Variants in NOSIP observed in about 807,000 individuals in gnomAD.
NOSIP encodes nitric oxide synthase-interacting protein.
NOSIP carries 25 observed loss-of-function variants against 36.4 expected under a neutral mutation model. The ratio of observed to expected loss-of-function variants is 0.69; its 90% CI spans 0.50 to 0.96. The LOEUF is 0.96. Among genes scored for constraint, NOSIP ranks in the 40% least tolerant of loss-of-function variants. NOSIP has a pLI of 0.00. For missense variants in NOSIP, 370 were observed against 429.0 expected (o/e 0.86, Z 1.21); for synonymous variants, 187 against 179.2 (o/e 1.04, Z -0.35).
intron 1 of NOSIP, among the ~76,000 whole-genome samples, chr19:49,577,095 CAA>C (rs1016299027): frequency 1.3e-5 from 2 of 151,972 alleles, no homozygotes; most frequent in African/African-American, 4.8e-5. Flanking sequence ...TGACTATAAT[CAA>C]AAAGATAAAT....
chr19:49,563,935 G>A (rs969492624), intron 1 of NOSIP, among the ~76,000 whole-genome samples: 1 of 152,172 alleles, frequency 6.6e-6, no homozygotes, highest in East Asian at 1.9e-4. Flanking sequence ...GGTTCTCAAA[G>A]TGTGGGTCCT....
At chr19:49,576,932 T>C (rs2080561763) in intron 1 of NOSIP, among the ~76,000 whole-genome samples, 1 of 149,072 alleles carries the variant, frequency 6.7e-6, no homozygotes, top group Non-Finnish European at 1.5e-5. Context: ...ATAAGGGAAT[T>C]GCAGTGAGAA....
At chr19:49,556,765 G>T in intron 6 of NOSIP, 29 bp from the exon 7 acceptor site, 1 of 1,584,346 alleles carries the variant, frequency 6.3e-7, no homozygotes, top group African/African-American at 1.3e-5. Flanking sequence ...GGCGGGCTCA[G>T]TAGGCAGGGC....
Position 49,555,746 on chromosome 19 carries a change from C to T in NOSIP, c.*5G>A. ...AAGCCGGTTTATTTGGTCTCCCGCACACACTCAGGCCTGCATCACCGGCCG... is the reference window on the plus strand; with the variant it reads ...AAGCCGGTTTATTTGGTCTCCCGCATACACTCAGGCCTGCATCACCGGCCG... On this transcript the variant is annotated 3_prime_UTR_variant, in exon 9 of 9. Coordinates refer to ENST00000596358, the MANE Select transcript of NOSIP (RefSeq NM_001270960.2). 6.2e-7 allele frequency: 1 copy of T among 1,612,926 alleles called. No individual in the cohort carries two copies. The highest frequency in any genetic ancestry group is 8.5e-7 in the Non-Finnish European group (1 of 1,179,256).
chr19:49,559,180 A>C, intron 3 of NOSIP: 1 of 574,350 alleles, frequency 1.7e-6, no homozygotes, highest in Non-Finnish European at 3.1e-6. Flanking sequence ...TCAGCAAAGG[A>C]AAAAGGCACA....
At chr19:49,580,193 C>T (rs1471164976) in intron 1 of NOSIP, among the ~76,000 whole-genome samples, 6 of 151,816 alleles carry the variant, frequency 4.0e-5, no homozygotes, top group African/African-American at 9.7e-5. Flanking sequence ...TCCACTCCTT[C>T]CCTTGGGACC....
intron 3 of NOSIP, 115 bp downstream of exon 3, chr19:49,559,819 C>G (rs1422271769): frequency 1.4e-6 from 1 of 725,226 alleles, no homozygotes; most frequent in Non-Finnish European, 2.5e-6. Flanking sequence ...TGAGGATAAA[C>G]TGCTCATCCA....
intron 1 of NOSIP, among the ~76,000 whole-genome samples, chr19:49,568,391 G>A (rs1023360831): frequency 7.9e-5 from 12 of 152,074 alleles, no homozygotes; most frequent in South Asian, 2.1e-4. Context: ...GGGGAACTGC[G>A]GTGGTGGTAT....
intron 1 of NOSIP, among the ~76,000 whole-genome samples, chr19:49,565,434 T>C (rs560509221): frequency 6.6e-6 from 1 of 152,100 alleles, no homozygotes; most frequent in African/African-American, 2.4e-5. Context: ...TTATGCTTTC[T>C]GTACTTCTCT....
intron 1 of NOSIP, among the ~76,000 whole-genome samples, chr19:49,577,692 G>A (rs917168951): frequency 2.0e-5 from 3 of 150,082 alleles, no homozygotes; most frequent in African/African-American, 7.4e-5. Context: ...TTGAACCCAG[G>A]AGGTTGAGGC....
At chr19:49,565,762 G>A (rs115172993) in intron 1 of NOSIP, among the ~76,000 whole-genome samples, 15,910 of 139,724 alleles carry the variant, frequency 0.11, 2,289 homozygotes, top group African/African-American at 0.35. Flanking sequence ...TGTCTCAAAA[G>A]AAAAAAAAAA....
intron 1 of NOSIP, among the ~76,000 whole-genome samples, chr19:49,575,020 G>A (rs1252066751): frequency 6.6e-6 from 1 of 151,980 alleles, no homozygotes; most frequent in Admixed American, 6.6e-5. Flanking sequence ...CCGCCACCAT[G>A]CCCGGCTAAT....
intron 8 of NOSIP, among the ~76,000 whole-genome samples, chr19:49,556,057 G>C (rs1296956966): frequency 7.4e-6 from 1 of 135,830 alleles, no homozygotes; most frequent in African/African-American, 3.2e-5. Flanking sequence ...CGTGTGGAGG[G>C]GGTGGAGCCG....
In NOSIP at chr19:49,557,101, C is replaced by T; in HGVS notation, c.407G>A (p.Gly136Asp). ...LNPFTAKALS[G>D]TSPDDVQPGP... ...CCAACCTGAGTCACCTGGGCTGGTGCCCGAGAGGGCCTTGGCTGTGAAAGG... is the reference window on the plus strand; with the variant it reads ...CCAACCTGAGTCACCTGGGCTGGTGTCCGAGAGGGCCTTGGCTGTGAAAGG... Residue 136 changes from glycine (G) to aspartate (D), a missense_variant, in exon 5 of 9, where the codon GGC becomes GAC. Around this residue, in one of 3 missense-constraint regions of NOSIP, gnomAD observed 315 missense variants for 331.9 expected, o/e 0.95. Coordinates refer to ENST00000596358, the MANE Select transcript of NOSIP (RefSeq NM_001270960.2). 6.2e-7 allele frequency: 1 copy of T among 1,611,510 alleles called. No individual in the cohort carries two copies. Among genetic ancestry groups the T allele is most frequent in the Non-Finnish European group, 8.5e-7 (1 of 1,178,922 alleles).
At position 49,560,109 on chromosome 19, in the gene NOSIP, A is replaced by G; in HGVS notation, c.71-70T>C. On this transcript the variant is annotated intron_variant, in intron 2 of 8. Coordinates refer to ENST00000596358, the MANE Select transcript of NOSIP (RefSeq NM_001270960.2). This position sits in a 1 kb window ranked among gnomAD's most constrained non-coding sequence, Gnocchi z 4.6. ...GAGACATGTCCGTCTCCAAAGCCCC[A>G]GAGAGAGGCACAGAGACAACGCGGT... 1 of 1,046,672 alleles carries G rather than the reference A, an allele frequency of 9.6e-7. No individual in the cohort carries two copies. Among genetic ancestry groups the G allele is most frequent in the South Asian group, 1.4e-5 (1 of 69,276 alleles). The allele number at this position is 1,046,672 out of a possible 1,614,324, so 64.8% of individuals were successfully genotyped here.
chr19:49,557,219 C>G lies in NOSIP; in HGVS notation c.289G>C (p.Glu97Gln), dbSNP rs151017072. Residue 97 changes from glutamate to glutamine, a missense_variant, in exon 5 of 9, where the codon GAG (glutamate) becomes CAG (glutamine). By Grantham distance (29) the Glu-to-Gln change is conservative. Around this residue, in one of 3 missense-constraint regions of NOSIP, gnomAD observed 315 missense variants for 331.9 expected, o/e 0.95. Transcript: ENST00000596358. ...AYEKQRGTRR[E>Q]EQKELQRAAS... is the part of the protein sequence containing the mutation. ...GCCCGCTGAAGCTCCTTCTGCTCCTCGCGCCGGGTGCCCCGCTGCTTCTCG... is the reference window on the plus strand; with the variant it reads ...GCCCGCTGAAGCTCCTTCTGCTCCTGGCGCCGGGTGCCCCGCTGCTTCTCG... 3.1e-6 allele frequency: 5 copies of G among 1,597,486 alleles called. No individual in the cohort carries two copies. Among genetic ancestry groups the G allele is most frequent in the Non-Finnish European group, 1.7e-6 (2 of 1,172,806 alleles).
intron 1 of NOSIP, among the ~76,000 whole-genome samples, chr19:49,569,782 T>C (rs758088578): frequency 2.0e-5 from 3 of 151,510 alleles, no homozygotes; most frequent in Non-Finnish European, 2.9e-5. Context: ...CACTCCAGCC[T>C]GGGGGACAAG....
In NOSIP at chr19:49,555,658, C is replaced by T. The variant is rs1465508101; in HGVS notation, c.*93G>A. 8.5e-6 allele frequency: 9 copies of T among 1,052,918 alleles called. 1 individual carries two copies. In the Admixed American group the frequency reaches 1.5e-4, roughly 17 times the overall value. 65.2% of individuals were successfully genotyped at this position (1,052,918 alleles called of 1,614,324 possible). Reference sequence around the variant, plus strand: ...AGCACTGTTTGCACGGCCCTGCATCCTCGCCTGCCCTGTCCCCGGGGCGCC... The same window carrying T: ...AGCACTGTTTGCACGGCCCTGCATCTTCGCCTGCCCTGTCCCCGGGGCGCC... On this transcript the variant is annotated 3_prime_UTR_variant, in exon 9 of 9. Coordinates refer to ENST00000596358, the MANE Select transcript of NOSIP (RefSeq NM_001270960.2).
chr19:49,566,070 A>G (rs1599756484), intron 1 of NOSIP, among the ~76,000 whole-genome samples: 1 of 149,248 alleles, frequency 6.7e-6, no homozygotes, highest in South Asian at 2.1e-4. Flanking sequence ...TCCAGGCTGG[A>G]GTGCAGTGGC....
Sources: allele counts gnomAD v4.1 joint callset (sites outside exome capture counted in the v4.1 genomes callset), GRCh38; gene constraint gnomAD v4.1.1; regional missense constraint gnomAD v4.1.1; non-coding constraint Gnocchi (gnomAD v3.1); transcripts MANE v1.5; gene names NCBI Gene and HGNC (gene_info 2026-07-23, HGNC 2026-07-21).